Variants in STUM observed in about 807,000 individuals in gnomAD.
The protein encoded by STUM is protein stum homolog.
STUM carries 8 observed loss-of-function variants against 15.3 expected under a neutral mutation model. The observed-to-expected ratio is 0.52, with a 90% CI of 0.31 to 0.94. The LOEUF (loss-of-function observed/expected upper bound fraction) is 0.94. STUM is among the 40% of genes least tolerant of loss of function. The pLI, the probability that STUM is intolerant of heterozygous loss-of-function variation, is 0.05. For missense variants in STUM, 142 were observed against 204.9 expected, an observed-to-expected ratio of 0.69 and a Z score of 1.87; for synonymous variants, 78 against 88.7, an observed-to-expected ratio of 0.88 and a Z score of 0.68.
At chr1:226,564,863 A>C (rs1359020672) in intron 1 of STUM, among the ~76,000 whole-genome samples, 1 of 152,178 alleles carries the variant, frequency 6.6e-6, no homozygotes, top group Non-Finnish European at 1.5e-5. Flanking sequence ...CATCTCATGC[A>C]TTCCGGTTCT....
chr1:226,590,101 C>A (rs1406506834), intron 1 of STUM, among the ~76,000 whole-genome samples: 1 of 152,090 alleles, frequency 6.6e-6, no homozygotes, highest in Non-Finnish European at 1.5e-5. Context: ...CCCACCATCC[C>A]CTTCTCATTT....
chr1:226,564,523 G>A (rs1352442599), intron 1 of STUM, among the ~76,000 whole-genome samples: 1 of 152,192 alleles, frequency 6.6e-6, no homozygotes, highest in Non-Finnish European at 1.5e-5. Context: ...GGCTGGGGTT[G>A]GTGGTTGGGT....
chr1:226,570,295 C>T (rs1443416603), intron 1 of STUM, among the ~76,000 whole-genome samples: 1 of 152,142 alleles, frequency 6.6e-6, no homozygotes, highest in Non-Finnish European at 1.5e-5. Context: ...AGTCAGGAGG[C>T]GTGTGCTTTT....
At chr1:226,573,082 T>G (rs1157079296) in intron 1 of STUM, among the ~76,000 whole-genome samples, 2 of 152,224 alleles carry the variant, frequency 1.3e-5, no homozygotes, top group African/African-American at 4.8e-5. Flanking sequence ...CATCCAACTT[T>G]CCGGAGTTGG....
At position 226,561,247 on chromosome 1, in the gene STUM, G is replaced by A. The variant is rs16846105; in HGVS notation, c.202+12141G>A. Among the ~76,000 whole-genome samples the A allele has an allele frequency of 9.2e-3, 1,395 of 152,230 alleles. 34 individuals carry two copies. In the South Asian group the frequency reaches 0.1, roughly 11 times the overall value. On this transcript the variant is annotated intron_variant, in intron 1 of 3. Transcript: ENST00000366788. ...CTTTACTTATCTTCTATTTCCAATC[G>A]CAACTAGCACCTTTGTAGTAGGTGT...
At chr1:226,555,880 T>G (rs1367591930) in intron 1 of STUM, among the ~76,000 whole-genome samples, 1 of 152,250 alleles carries the variant, frequency 6.6e-6, no homozygotes, top group Admixed American at 6.5e-5. Context: ...ATTTTTCTAG[T>G]ACATACCTAT....
Position 226,609,192 on chromosome 1 carries a change from T to C in STUM, c.*7152T>C, listed in dbSNP as rs1024454353. The C allele has an allele frequency of 1.3e-5, 2 of 152,212 alleles. No homozygotes were observed. Among genetic ancestry groups the C allele is most frequent in the African/African-American group, 4.8e-5 (2 of 41,430 alleles). The allele number at this position is 152,212 out of a possible 1,614,324, so 9.4% of individuals were successfully genotyped here. A position where few individuals can be genotyped will look rare whatever the true frequency, so the allele number is the denominator to read the frequency against. On this transcript the variant is annotated 3_prime_UTR_variant, in exon 4 of 4. Coordinates refer to ENST00000366788, the MANE Select transcript of STUM (RefSeq NM_001003665.4). ...CTTCCTTTCCCTCTTTTCTATGTTG[T>C]AATAAACATTCATGTGACCTTTCTG... is the stretch of plus-strand genomic sequence containing the variant.
chr1:226,587,529 G>A (rs1363329135), intron 1 of STUM, among the ~76,000 whole-genome samples: 1 of 152,100 alleles, frequency 6.6e-6, no homozygotes, highest in Non-Finnish European at 1.5e-5. Context: ...ACCCCACCGT[G>A]TTCCCCTGAC....
At chr1:226,564,745 C>T (rs1667594742) in intron 1 of STUM, among the ~76,000 whole-genome samples, 2 of 152,078 alleles carry the variant, frequency 1.3e-5, no homozygotes, top group South Asian at 2.1e-4. Context: ...AGCTGGGAAA[C>T]GTGCCCCTTT....
Position 226,603,022 on chromosome 1 carries a change from TC to T in STUM, c.*985del, listed in dbSNP as rs1248094698. ...TTTCTGCAGAGAAACATGTGACTAG[TC>T]CCATTAACTGGGAGCTATACAAACT... On this transcript the variant is annotated 3_prime_UTR_variant, in exon 4 of 4. Transcript: ENST00000366788. 3.3e-5 allele frequency: 5 copies of T among 152,240 alleles called. No individual in the cohort carries two copies. Among genetic ancestry groups the T allele is most frequent in the African/African-American group, 1.2e-4 (5 of 41,460 alleles). The allele number at this position is 152,240 out of a possible 1,614,324, so 9.4% of individuals were successfully genotyped here.
At chr1:226,583,846 C>A (rs1667953811) in intron 1 of STUM, among the ~76,000 whole-genome samples, 1 of 152,196 alleles carries the variant, frequency 6.6e-6, no homozygotes, top group Non-Finnish European at 1.5e-5. Flanking sequence ...CCAAGCAGTA[C>A]AGGCCTTTAG....
rs558062817 is a variant in STUM, at chr1:226,605,696, G to C, written c.*3656G>C. 1 of 152,224 alleles carries C rather than the reference G, an allele frequency of 6.6e-6. No individual in the cohort carries two copies. The highest frequency in any genetic ancestry group is 2.4e-5 in the African/African-American group (1 of 41,444). 9.4% of individuals were successfully genotyped at this position (152,224 alleles called of 1,614,324 possible). ...TGAGACCTGTCATCACTTAGGGGGAGTTGGGCAAAACCTCCTAGGAAGGTC... is the reference window on the plus strand; with the variant it reads ...TGAGACCTGTCATCACTTAGGGGGACTTGGGCAAAACCTCCTAGGAAGGTC... On this transcript the variant is annotated 3_prime_UTR_variant, in exon 4 of 4. Transcript: ENST00000366788. The surrounding 1 kb of genome is among the most constrained non-coding windows in gnomAD (Gnocchi z 4.0).
At chr1:226,563,699 T>C (rs1667576438) in intron 1 of STUM, among the ~76,000 whole-genome samples, 1 of 152,264 alleles carries the variant, frequency 6.6e-6, no homozygotes. Context: ...TGACTTAGCA[T>C]GGAGTCCAGA....
intron 1 of STUM, among the ~76,000 whole-genome samples, chr1:226,566,880 T>C (rs1325583494): frequency 6.6e-6 from 1 of 152,228 alleles, no homozygotes; most frequent in African/African-American, 2.4e-5. Context: ...CATGGCAATA[T>C]AATTTCCATA....
intron 1 of STUM, among the ~76,000 whole-genome samples, chr1:226,592,677 G>A (rs554708672): frequency 7.6e-4 from 115 of 152,296 alleles, no homozygotes; most frequent in Non-Finnish European, 1.2e-3. Context: ...CTTTGGCAGC[G>A]TTCTCTTTTG....
At position 226,596,971 on chromosome 1, in the gene STUM, C is replaced by T; in HGVS notation, c.372C>T (p.Val124=). The change falls in exon 2 of 4, where the codon GTC becomes GTT. Residue 124 remains valine, a synonymous_variant. Coordinates refer to ENST00000366788, the MANE Select transcript of STUM (RefSeq NM_001003665.4). ...IMSIFWGMDM[V]ILAISQGYKE... is the part of the protein sequence containing the mutation. ...GCATCTTCTGGGGCATGGACATGGTCATCCTTGCCAGTGAGTAGCTGTTGG... is the reference window on the plus strand; with the variant it reads ...GCATCTTCTGGGGCATGGACATGGTTATCCTTGCCAGTGAGTAGCTGTTGG... 1 of 1,614,108 alleles carries T rather than the reference C, an allele frequency of 6.2e-7. No homozygotes were observed. Among genetic ancestry groups the T allele is most frequent in the East Asian group, 2.2e-5 (1 of 44,886 alleles).
chr1:226,579,767 A>T (rs1380856735), intron 1 of STUM, among the ~76,000 whole-genome samples: 5 of 151,934 alleles, frequency 3.3e-5, no homozygotes. Context: ...AACTGGAACT[A>T]CAGGCACATG....
At chr1:226,580,397 AGGTGCCCTG>A (rs1208852773) in intron 1 of STUM, among the ~76,000 whole-genome samples, 8 of 152,076 alleles carry the variant, frequency 5.3e-5, no homozygotes, top group Non-Finnish European at 1.2e-4. Flanking sequence ...GTCTTCAATC[AGGTGCCCTG>A]GGTGGAGGGG....
chr1:226,591,804 TA>T (rs1430012702), intron 1 of STUM, among the ~76,000 whole-genome samples: 1 of 152,144 alleles, frequency 6.6e-6, no homozygotes, highest in African/African-American at 2.4e-5. Flanking sequence ...TTCAGCCTAA[TA>T]AAAACATGAA....
Sources: allele counts gnomAD v4.1 joint callset (sites outside exome capture counted in the v4.1 genomes callset), GRCh38; gene constraint gnomAD v4.1.1; non-coding constraint Gnocchi (gnomAD v3.1); transcripts MANE v1.5; gene names NCBI Gene and HGNC (gene_info 2026-07-23, HGNC 2026-07-21).